The following TUT4 variants were observed in gnomAD, a reference collection of about 807,000 sequenced individuals.
TUT4 encodes the protein terminal uridylyl transferase 4.
TUT4 carries 36 observed loss-of-function variants against 192.2 expected under a neutral mutation model. The ratio of observed to expected loss-of-function variants is 0.19; its 90% CI spans 0.14 to 0.25. The LOEUF (loss-of-function observed/expected upper bound fraction) is 0.25, where lower values mean the gene tolerates loss of function less well. Ranked by LOEUF, TUT4 falls within the 10% of genes least tolerant of loss-of-function variation. The pLI is 1.00. For synonymous variants in TUT4, 618 were observed against 666.0 expected, an observed-to-expected ratio of 0.93 and a Z score of 1.11; for missense variants, 1,493 against 1,957.2, an observed-to-expected ratio of 0.76 and a Z score of 4.47.
intron 4 of TUT4, among the ~76,000 whole-genome samples, chr1:52,507,941 G>A (rs912031209): frequency 6.6e-6 from 1 of 152,060 alleles, no homozygotes; most frequent in Non-Finnish European, 1.5e-5. Flanking sequence ...CTCCCAAGAA[G>A]CTGGGATTAC....
chr1:52,467,515 C>T (rs985276908), intron 15 of TUT4, among the ~76,000 whole-genome samples: 2 of 152,204 alleles, frequency 1.3e-5, no homozygotes, highest in African/African-American at 4.8e-5. Context: ...TTCTCATCTA[C>T]TCTGGACTCA....
At chr1:52,451,183 G>A (rs1411850814) in intron 20 of TUT4, among the ~76,000 whole-genome samples, 1 of 151,606 alleles carries the variant, frequency 6.6e-6, no homozygotes, top group Non-Finnish European at 1.5e-5. Flanking sequence ...GGAGAATGGC[G>A]TGAACCTGGG....
chr1:52,463,514 C>G (rs929351707), intron 16 of TUT4: 1 of 1,102,768 alleles, frequency 9.1e-7, no homozygotes, highest in East Asian at 7.1e-5. Context: ...GAAAAGCACA[C>G]TATTCTGCTG....
Position 52,493,644 on chromosome 1 carries a change from G to C in TUT4, c.1285C>G (p.Leu429Val). ...FPPKMNHPDL[L>V]IKVLGILKKN... ...TTTAAAATCCCAAGTACTTTTATCA[G>C]AAGATCTGGATGATTCATCTAAAAA... Residue 429 changes from leucine to valine, a missense_variant, in exon 7 of 30, where the codon CTG (leucine) becomes GTG (valine). Physicochemically the swap from Leu to Val is conservative, Grantham distance 32. Transcript: ENST00000257177. 6.7e-7 allele frequency: 1 copy of C among 1,501,506 alleles called. No homozygotes were observed. Among genetic ancestry groups the C allele is most frequent in the South Asian group, 1.2e-5 (1 of 81,600 alleles). The allele number at this position is 1,501,506 out of a possible 1,614,324, so 93.0% of individuals were successfully genotyped here.
At chr1:52,520,185 G>T (rs1373980229) in intron 2 of TUT4, among the ~76,000 whole-genome samples, 1 of 152,190 alleles carries the variant, frequency 6.6e-6, no homozygotes. Context: ...GAGAAAGGGT[G>T]AGAAGTAAAC....
rs771765611 is a variant in TUT4, at chr1:52,431,034, T to C, written c.4690A>G (p.Ser1564Gly). The C allele has an allele frequency of 8.8e-6, 14 of 1,596,788 alleles. No individual in the cohort carries two copies. Among genetic ancestry groups the C allele is most frequent in the African/African-American group, 1.3e-5 (1 of 74,754 alleles). The change falls in exon 28 of 30, where the codon AGT (serine) becomes GGT (glycine). Residue 1564 changes from serine (S) to glycine (G), a missense_variant. Transcript: ENST00000257177. ...TTACCTGAATTCCCCACTGCACCAC[T>C]GTTTACCAGGGAATTTGGAGCCACA... ...RTVAPNSLVN[S>G]GAVGNSEPGF...
chr1:52,492,820 G>A (rs1671511268), intron 7 of TUT4, among the ~76,000 whole-genome samples: 1 of 152,100 alleles, frequency 6.6e-6, no homozygotes, highest in Admixed American at 6.6e-5. Flanking sequence ...GACAGAAAAA[G>A]CACACATGAA....
In TUT4 at chr1:52,519,896, T is replaced by G. The variant is rs189909451; in HGVS notation, c.719-3842A>C. 2.6e-4 allele frequency among the ~76,000 whole-genome samples: 39 copies of G among 151,908 alleles called. No individual in the cohort carries two copies. The East Asian group carries it at 7.4e-3, about 29-fold the overall frequency. On this transcript the variant is annotated intron_variant, in intron 2 of 29. Coordinates refer to ENST00000257177, the MANE Select transcript of TUT4 (RefSeq NM_001009881.3). The stretch of plus-strand genomic sequence containing the variant: ...TTAAAAGGATGAATTTTATGACATA[T>G]AAATCCCAGCTACTTGGGAGGCTGA...
intron 5 of TUT4, among the ~76,000 whole-genome samples, chr1:52,496,761 C>T (rs1672551243): frequency 1.3e-5 from 2 of 152,052 alleles, no homozygotes. Flanking sequence ...TATTTGACCG[C>T]CAAGAAATAG....
intron 9 of TUT4, among the ~76,000 whole-genome samples, chr1:52,486,809 T>C (rs560148257): frequency 2.7e-4 from 41 of 152,266 alleles, no homozygotes; most frequent in African/African-American, 9.6e-4. Flanking sequence ...TGAGCAACCT[T>C]TTCCAAGAGT....
Position 52,425,243 on chromosome 1 carries a change from T to C in TUT4, c.4870+106A>G. On this transcript the variant is annotated intron_variant, in intron 29 of 29. Transcript: ENST00000257177. ...ACAGTATAATTTCTCAGTAAATGTT[T>C]ACTGAATTCATGAATTTTCACTCCC... 8 of 1,360,224 alleles carry C rather than the reference T, an allele frequency of 5.9e-6. 1 individual carries two copies. The South Asian group carries it at 1.2e-4, about 20-fold the overall frequency. The allele number at this position is 1,360,224 out of a possible 1,614,324, so 84.3% of individuals were successfully genotyped here.
chr1:52,435,738 C>T (rs893586677), intron 26 of TUT4, among the ~76,000 whole-genome samples: 8 of 152,244 alleles, frequency 5.3e-5, no homozygotes, highest in African/African-American at 1.9e-4. Context: ...AAGGAGACAA[C>T]ATATTTATTT....
intron 15 of TUT4, among the ~76,000 whole-genome samples, chr1:52,466,196 G>A (rs1171666486): frequency 6.6e-6 from 1 of 152,086 alleles, no homozygotes; most frequent in East Asian, 1.9e-4. Flanking sequence ...AAATAAAACT[G>A]AGCATGATTT....
chr1:52,425,122 A>G (rs769338104), intron 29 of TUT4: 42 of 396,670 alleles, frequency 1.1e-4, no homozygotes, highest in Non-Finnish European at 1.4e-4. Context: ...TGATTCATCT[A>G]AACTCCTTTT....
chr1:52,428,294 T>A (rs988817900), intron 28 of TUT4, among the ~76,000 whole-genome samples: 1 of 151,924 alleles, frequency 6.6e-6, no homozygotes, highest in Non-Finnish European at 1.5e-5. Flanking sequence ...GAGACCATCC[T>A]GGCCAACATG....
At chr1:52,533,514 G>C (rs955415777) in intron 1 of TUT4, among the ~76,000 whole-genome samples, 1 of 152,062 alleles carries the variant, frequency 6.6e-6, no homozygotes, top group South Asian at 2.1e-4. Flanking sequence ...CTTTCTGGTC[G>C]TTACTATACT....
chr1:52,495,325 A>C (rs936906216), intron 6 of TUT4, 102 bp downstream of exon 6: 87 of 673,596 alleles, frequency 1.3e-4, no homozygotes, highest in Non-Finnish European at 1.9e-4. Flanking sequence ...ACACTATACA[A>C]ACCAGAGTTT....
At chr1:52,474,457 G>A (rs968421780) in intron 13 of TUT4, among the ~76,000 whole-genome samples, 1 of 151,802 alleles carries the variant, frequency 6.6e-6, no homozygotes, top group Non-Finnish European at 1.5e-5. Context: ...TTTTATTTTG[G>A]GGGGGGAAGA....
At chr1:52,509,162 C>G (rs969280055) in intron 4 of TUT4, among the ~76,000 whole-genome samples, 3 of 152,122 alleles carry the variant, frequency 2.0e-5, no homozygotes, top group Admixed American at 2.0e-4. Context: ...TGTTCTAGAT[C>G]AAGTAAAATA....
Sources: gnomAD v4.1 joint callset for allele counts (sites outside exome capture counted in the v4.1 genomes callset) on GRCh38, gnomAD v4.1.1 for gene constraint, MANE v1.5 for transcripts, NCBI Gene and HGNC (gene_info 2026-07-23, HGNC 2026-07-21) for gene names.